FGFRL1: variants seen among roughly 807,000 people sequenced by gnomAD.
The protein encoded by FGFRL1 is fibroblast growth factor receptor like 1.
FGFRL1 carries 24 observed loss-of-function variants against 36.8 expected under a neutral mutation model. The ratio of observed to expected loss-of-function variants is 0.65; its 90% CI spans 0.47 to 0.92. The LOEUF (loss-of-function observed/expected upper bound fraction) is 0.92, where lower values mean the gene tolerates loss of function less well. Ranked by LOEUF, FGFRL1 falls within the 40% of genes least tolerant of loss-of-function variation. The probability of loss-of-function intolerance (pLI) is 0.00; values close to 1 mark genes in which losing one functional copy is unlikely to be tolerated. For synonymous variants in FGFRL1, 422 were observed against 344.1 expected, an observed-to-expected ratio of 1.23 and a Z score of -2.50; for missense variants, 785 against 753.4, an observed-to-expected ratio of 1.04 and a Z score of -0.49.
intron 6 of FGFRL1, 35 bp from the exon 7 acceptor site, chr4:1,024,870 T>C: frequency 6.5e-7 from 1 of 1,549,852 alleles, no homozygotes; most frequent in Non-Finnish European, 8.7e-7. Flanking sequence ...GTGTCGGCGT[T>C]CCCCTCCCTA....
chr4:1,024,341 G>A lies in FGFRL1; in HGVS notation c.749G>A (p.Gly250Asp), dbSNP rs754124213. The change falls in exon 6 of 7, where the codon GGC becomes GAC. Residue 250 changes from glycine to aspartate, a missense_variant. Coordinates refer to ENST00000510644, the MANE Select transcript of FGFRL1 (RefSeq NM_001004356.3). The part of the protein sequence containing the change: ...QRTRSKPVLT[G>D]THPVNTTVDF... ...ACCCGTTCCAAGCCCGTGCTCACAG[G>A]CACGCACCCCGTGAACACGACGGTG... 6.2e-7 allele frequency: 1 copy of A among 1,609,574 alleles called. No individual in the cohort carries two copies. Among genetic ancestry groups the A allele is most frequent in the Non-Finnish European group, 8.5e-7 (1 of 1,177,936 alleles).
chr4:1,025,215 C>A lies in FGFRL1; in HGVS notation c.1383C>A (p.Gly461=). ...GSPAAPQHLL[G]PGPVAGPKLY... ...CGGCAGCCCCCCAGCACTTACTGGG[C>A]CCAGGCCCAGTTGCTGGCCCTAAGT... The change falls in exon 7 of 7, where the codon GGC becomes GGA. Residue 461 remains glycine (G), a synonymous_variant. Coordinates refer to ENST00000510644, the MANE Select transcript of FGFRL1 (RefSeq NM_001004356.3). 2 of 1,610,008 alleles carry A rather than the reference C, an allele frequency of 1.2e-6. No homozygotes were observed. Among genetic ancestry groups the A allele is most frequent in the Non-Finnish European group, 1.7e-6 (2 of 1,178,722 alleles).
Position 1,025,545 on chromosome 4 carries a change from C to A in FGFRL1, c.*198C>A. On this transcript the variant is annotated 3_prime_UTR_variant, in exon 7 of 7. Coordinates refer to ENST00000510644, the MANE Select transcript of FGFRL1 (RefSeq NM_001004356.3). ...CACTGCCTGGATGCATGTATGCACA[C>A]ACATGCGCGCACACGTGCTCCCTGA... 1.5e-6 allele frequency: 1 copy of A among 665,634 alleles called. No homozygotes were observed. The highest frequency in any genetic ancestry group is 2.5e-6 in the Non-Finnish European group (1 of 397,186). 41.2% of individuals were successfully genotyped at this position (665,634 alleles called of 1,614,324 possible).
In FGFRL1 at chr4:1,024,055, G is replaced by A. The variant is rs144361678; in HGVS notation, c.672G>A (p.Ser224=). 239 of 1,605,634 alleles carry A rather than the reference G, an allele frequency of 1.5e-4. No individual in the cohort carries two copies. In the African/African-American group the frequency reaches 2.7e-3, roughly 18 times the overall value. The change falls in exon 5 of 7, where the codon TCG becomes TCA. Residue 224 remains serine (S), a synonymous_variant. Coordinates refer to ENST00000510644, the MANE Select transcript of FGFRL1 (RefSeq NM_001004356.3). ...EDSGKYTCRV[S]NRAGAINATY... ...GCGGCAAATACACCTGCCGCGTGTC[G>A]AACCGCGCGGGCGCCATCAACGCCA...
rs553194967 is a variant in FGFRL1, at chr4:1,022,092, G to A, written c.80-111G>A. The A allele has an allele frequency of 6.8e-5, 56 of 828,256 alleles. No homozygotes were observed. The Middle Eastern group carries it at 1.9e-3, about 28-fold the overall frequency. The allele number at this position is 828,256 out of a possible 1,614,324, so 51.3% of individuals were successfully genotyped here. On this transcript the variant is annotated intron_variant, in intron 2 of 6. Transcript: ENST00000510644. ...TGCTCATCTTGGGCAGGTGACCCAG[G>A]TGGAGCTCAGGCCCGAGGTCTGTGC...
Position 1,023,192 on chromosome 4 carries a change from C to T in FGFRL1, c.353-449C>T, listed in dbSNP as rs559902765. Among the ~76,000 whole-genome samples, 1 of 152,204 alleles carries T rather than the reference C, an allele frequency of 6.6e-6. No individual in the cohort carries two copies. Among genetic ancestry groups the T allele is most frequent in the Non-Finnish European group, 1.5e-5 (1 of 68,014 alleles). ...TGGAGGGGACATTCCACAGCACGCC[C>T]TGCCCCTCGGCATTGTGTGGAATGG... On this transcript the variant is annotated intron_variant, in intron 3 of 6. Coordinates refer to ENST00000510644, the MANE Select transcript of FGFRL1 (RefSeq NM_001004356.3). The surrounding 1 kb of genome is among the most constrained non-coding windows in gnomAD (Gnocchi z 6.0).
At chr4:1,018,986 A>C (rs1249811683) in intron 2 of FGFRL1, among the ~76,000 whole-genome samples, 1 of 152,094 alleles carries the variant, frequency 6.6e-6, no homozygotes, top group Non-Finnish European at 1.5e-5. Context: ...CCGTGCCTAC[A>C]GCGCTTGCAG....
At position 1,024,489 on chromosome 4, in the gene FGFRL1, C is replaced by G. The variant is rs138843839; in HGVS notation, c.897C>G (p.Gly299=). Residue 299 remains glycine (G), a synonymous_variant, in exon 6 of 7, where the codon GGC becomes GGG. Transcript: ENST00000510644. ...GCCACAACTCCACCATCGATGTGGG[C>G]GGCCAGAAGTTTGTGGTGCTGCCCA... ...EGRHNSTIDV[G]GQKFVVLPTG... is the part of the protein sequence containing the mutation. The G allele has an allele frequency of 6.2e-7, 1 of 1,612,522 alleles. No individual in the cohort carries two copies. The highest frequency in any genetic ancestry group is 1.1e-5 in the South Asian group (1 of 91,080).
upstream of FGFRL1, among the ~76,000 whole-genome samples, chr4:1,010,747 C>T (rs1262318674): frequency 2.6e-5 from 4 of 152,062 alleles, 1 homozygote; most frequent in Non-Finnish European, 5.9e-5. Flanking sequence ...CGTGCTGGGC[C>T]CTGGGCAGGG....
chr4:1,025,743 ACG>A lies in FGFRL1; in HGVS notation c.*397_*398del. Reference sequence around the variant, plus strand: ...GTGCTGCCTGGACACACACACACACACGGATATGCTGTCTGGACGCACACACG... The same window carrying A: ...GTGCTGCCTGGACACACACACACACAGATATGCTGTCTGGACGCACACACG... On this transcript the variant is annotated 3_prime_UTR_variant, in exon 7 of 7. Transcript: ENST00000510644. The A allele has an allele frequency of 3.4e-6, 1 of 292,740 alleles. No individual in the cohort carries two copies. The highest frequency in any genetic ancestry group is 6.5e-6 in the Non-Finnish European group (1 of 153,834). 18.1% of individuals were successfully genotyped at this position (292,740 alleles called of 1,614,324 possible). A position where few individuals can be genotyped will look rare whatever the true frequency, so the allele number is the denominator to read the frequency against.
At chr4:1,022,673 C>T (rs1303025963) in intron 3 of FGFRL1, among the ~76,000 whole-genome samples, 198 bp downstream of exon 3, 2 of 152,186 alleles carry the variant, frequency 1.3e-5, no homozygotes, top group South Asian at 2.1e-4. Flanking sequence ...TTCCTGTCCC[C>T]GTCAGGCTCC....
intron 2 of FGFRL1, among the ~76,000 whole-genome samples, chr4:1,016,782 C>T (rs1302264989): frequency 1.3e-5 from 2 of 152,204 alleles, no homozygotes; most frequent in Non-Finnish European, 2.9e-5. Flanking sequence ...GGGGCAGAGC[C>T]TGGCCCTGGC....
Position 1,026,099 on chromosome 4 carries a change from GAC to G in FGFRL1, c.*762_*763del, listed in dbSNP as rs57445348. 3,644 of 153,402 alleles carry G rather than the reference GAC, an allele frequency of 0.024. 145 individuals are homozygous for G. Among genetic ancestry groups the G allele is most frequent in the African/African-American group, 0.084 (3,401 of 40,616 alleles). The allele number at this position is 153,402 out of a possible 1,614,324, so 9.5% of individuals were successfully genotyped here. A position where few individuals can be genotyped will look rare whatever the true frequency, so the allele number is the denominator to read the frequency against. On this transcript the variant is annotated 3_prime_UTR_variant, in exon 7 of 7. Coordinates refer to ENST00000510644, the MANE Select transcript of FGFRL1 (RefSeq NM_001004356.3). ...CACACGCACGCAGATATGCTGCCTG[GAC>G]ACACACACAGATAATGCTGCCTCAA...
intron 2 of FGFRL1, among the ~76,000 whole-genome samples, chr4:1,016,112 G>C (rs34587452): frequency 0.14 from 21,905 of 152,300 alleles, 2,020 homozygotes; most frequent in Non-Finnish European, 0.2. Context: ...GTGGTGCCCG[G>C]TGTGCCTGGG....
chr4:1,019,467 G>A (rs1273736347), intron 2 of FGFRL1, among the ~76,000 whole-genome samples: 1 of 152,208 alleles, frequency 6.6e-6, no homozygotes, highest in Non-Finnish European at 1.5e-5. Context: ...CCTTGGTCCC[G>A]GGAGGCCCTG....
chr4:1,025,104 C>T lies in FGFRL1; in HGVS notation c.1272C>T (p.Arg424=), dbSNP rs765297271. 3.9e-5 allele frequency: 63 copies of T among 1,610,802 alleles called. No homozygotes were observed. The East Asian group carries it at 6.2e-4, about 16-fold the overall frequency. ...GGCACCGCCCGCCGGGGACGGCCCG[C>T]GACCGCAGCGGAGACAAGGACCTTC... ...LPGHRPPGTA[R]DRSGDKDLPS... The change falls in exon 7 of 7, where the codon CGC becomes CGT. Residue 424 remains arginine, a synonymous_variant. Coordinates refer to ENST00000510644, the MANE Select transcript of FGFRL1 (RefSeq NM_001004356.3).
rs566783665 is a variant in FGFRL1, at chr4:1,013,356, G to A, written c.79+792G>A. ...GCTAGGCGGGACCTGTGGCCAGGCC[G>A]GCCCTTTGGGCGTGTTGACCACTCA... On this transcript the variant is annotated intron_variant, in intron 2 of 6. Transcript: ENST00000510644. 7.9e-5 allele frequency among the ~76,000 whole-genome samples: 12 copies of A among 152,366 alleles called. No individual in the cohort carries two copies. In the South Asian group the frequency reaches 2.3e-3, roughly 29 times the overall value.
intron 6 of FGFRL1, 53 bp downstream of exon 6, chr4:1,024,717 T>C: frequency 6.6e-7 from 1 of 1,513,892 alleles, no homozygotes; most frequent in East Asian, 2.3e-5. Context: ...ACCCGCCCCC[T>C]GGGCCCGGCG....
rs776053533 is a variant in FGFRL1, at chr4:1,025,065, C to G, written c.1233C>G (p.Ala411=). The change falls in exon 7 of 7, where the codon GCC becomes GCG. Residue 411 remains alanine, a synonymous_variant. Transcript: ENST00000510644. ...AGAAGCCGTGCACCCCCGCGCCTGC[C>G]CCTCCCCTGCCTGGGCACCGCCCGC... ...AQKKPCTPAP[A]PPLPGHRPPG... 6.8e-6 allele frequency: 11 copies of G among 1,609,814 alleles called. 1 individual carries two copies. In the Middle Eastern group the frequency reaches 5.0e-4, roughly 74 times the overall value.
Sources: gnomAD v4.1 joint callset for allele counts (sites outside exome capture counted in the v4.1 genomes callset) on GRCh38, gnomAD v4.1.1 for gene constraint, Gnocchi (gnomAD v3.1) non-coding constraint, MANE v1.5 for transcripts, NCBI Gene and HGNC (gene_info 2026-07-23, HGNC 2026-07-21) for gene names.